SRBD1: variants seen among roughly 807,000 people sequenced by gnomAD.
SRBD1 encodes S1 RNA-binding domain-containing protein 1.
Under a neutral mutation model 115.3 loss-of-function variants are expected in SRBD1, and 88 were observed. The ratio of observed to expected loss-of-function variants is 0.76; its 90% CI spans 0.64 to 0.91. SRBD1 has a LOEUF of 0.91. Ranked by LOEUF, SRBD1 falls within the 40% of genes least tolerant of loss-of-function variation. SRBD1 has a pLI of 0.00. For missense variants in SRBD1, 1,385 were observed against 1,177.4 expected (o/e 1.18, Z -2.58); for synonymous variants, 509 against 407.7 (o/e 1.25, Z -2.99).
chr2:45,411,947 C>A (rs1667615579), intron 19 of SRBD1, among the ~76,000 whole-genome samples: 1 of 152,024 alleles, frequency 6.6e-6, no homozygotes, highest in South Asian at 2.1e-4. Context: ...TCTATCTCTA[C>A]TAAAAATACA....
intron 2 of SRBD1, among the ~76,000 whole-genome samples, chr2:45,602,481 T>G (rs1192393270): frequency 6.6e-6 from 1 of 152,238 alleles, no homozygotes; most frequent in East Asian, 1.9e-4. Flanking sequence ...ACTAATCAAA[T>G]TCATTTAAAT....
intron 14 of SRBD1, among the ~76,000 whole-genome samples, chr2:45,518,478 G>A (rs1671185978): frequency 6.6e-6 from 1 of 152,148 alleles, no homozygotes; most frequent in South Asian, 2.1e-4. Context: ...TGAGTGGAGT[G>A]GAAGAGAGAA....
chr2:45,437,709 T>C (rs1405217091), intron 16 of SRBD1, among the ~76,000 whole-genome samples: 4 of 152,172 alleles, frequency 2.6e-5, no homozygotes, highest in African/African-American at 7.2e-5. Flanking sequence ...ATCTGGGCGA[T>C]AGACTAAGAC....
At chr2:45,445,550 TAAAAAAAAAAA>T (rs59451865) in intron 16 of SRBD1, among the ~76,000 whole-genome samples, 4,721 of 37,110 alleles carry the variant, frequency 0.13, 362 homozygotes, top group African/African-American at 0.33. Context: ...TTCCCAGAGG[TAAAAAAAAAAA>T]AAAAAAAAAA....
intron 2 of SRBD1, among the ~76,000 whole-genome samples, chr2:45,604,391 T>C (rs888246240): frequency 2.3e-5 from 1 of 43,672 alleles, no homozygotes; most frequent in African/African-American, 1.3e-4. Flanking sequence ...GGAAGGGGGG[T>C]GGAGGAAGGG....
At chr2:45,521,950 A>C (rs971011635) in intron 14 of SRBD1, among the ~76,000 whole-genome samples, 6 of 151,976 alleles carry the variant, frequency 3.9e-5, no homozygotes, top group Admixed American at 2.0e-4. Context: ...CCTGGATGAC[A>C]GAGCAACATC....
At chr2:45,421,095 T>C (rs1667985129) in intron 16 of SRBD1, among the ~76,000 whole-genome samples, 1 of 152,208 alleles carries the variant, frequency 6.6e-6, no homozygotes. Context: ...AGTTCAGTCA[T>C]GTCTCTAGGA....
chr2:45,501,470 G>A (rs757469141), intron 14 of SRBD1, among the ~76,000 whole-genome samples: 20 of 152,122 alleles, frequency 1.3e-4, no homozygotes, highest in Non-Finnish European at 2.4e-4. Context: ...CCCACCAAGC[G>A]TGAGGTGAAG....
chr2:45,438,489 T>C (rs904955750), intron 16 of SRBD1, among the ~76,000 whole-genome samples: 7 of 152,032 alleles, frequency 4.6e-5, no homozygotes, highest in African/African-American at 1.7e-4. Flanking sequence ...TAAAGGCAAA[T>C]ATGGTCCCAA....
chr2:45,554,742 C>T (rs953670510), intron 10 of SRBD1, among the ~76,000 whole-genome samples: 2 of 152,128 alleles, frequency 1.3e-5, no homozygotes, highest in African/African-American at 4.8e-5. Flanking sequence ...AAGCTGGCAG[C>T]ACATTCAGCA....
At chr2:45,483,959 T>C (rs1042042385) in intron 15 of SRBD1, among the ~76,000 whole-genome samples, 8 of 152,084 alleles carry the variant, frequency 5.3e-5, no homozygotes, top group Non-Finnish European at 1.0e-4. Context: ...ACCCAACTAG[T>C]ATAAACTTTT....
intron 14 of SRBD1, among the ~76,000 whole-genome samples, chr2:45,543,868 C>T (rs940153733): frequency 7.9e-5 from 12 of 152,144 alleles, no homozygotes; most frequent in Middle Eastern, 3.4e-3. Flanking sequence ...ATTAACCACA[C>T]GGGTAGATTT....
intron 7 of SRBD1, 28 bp downstream of exon 7, chr2:45,579,847 A>C: frequency 6.7e-7 from 1 of 1,499,562 alleles, no homozygotes. Context: ...AAAGAAACAA[A>C]GTTGATCTCT....
intron 16 of SRBD1, among the ~76,000 whole-genome samples, chr2:45,421,505 TC>T (rs1668000165): frequency 2.2e-5 from 1 of 46,294 alleles, no homozygotes; most frequent in Non-Finnish European, 3.3e-5. Flanking sequence ...AGACTCCGTC[TC>T]AAACAAAAAA....
In SRBD1 at chr2:45,418,369, A is replaced by T. The variant is rs1488176758; in HGVS notation, c.2329T>A (p.Cys777Ser). The T allele has an allele frequency of 5.0e-6, 8 of 1,613,408 alleles. No homozygotes were observed. The African/African-American group carries it at 1.1e-4, about 22-fold the overall frequency. The change falls in exon 18 of 21, where the codon TGC becomes AGC. Residue 777 changes from cysteine to serine, a missense_variant. Coordinates refer to ENST00000263736, the MANE Select transcript of SRBD1 (RefSeq NM_018079.5). Reference sequence around the variant, plus strand: ...AAAGTGTATACTTATACTCACCTGCAAAACGTTCGGATATAATCCTGGTTG... The same window carrying T: ...AAAGTGTATACTTATACTCACCTGCTAAACGTTCGGATATAATCCTGGTTG... ...RINQDYIRTF[C>S]SQQTETSGQI...
intron 14 of SRBD1, among the ~76,000 whole-genome samples, chr2:45,508,021 C>G (rs979143486): frequency 2.0e-5 from 3 of 152,154 alleles, no homozygotes; most frequent in Non-Finnish European, 2.9e-5. Flanking sequence ...TTACTGTCCC[C>G]TGACACAAGT....
chr2:45,476,952 A>G (rs748195877), intron 16 of SRBD1, 41 bp downstream of exon 16: 20 of 1,570,542 alleles, frequency 1.3e-5, no homozygotes, highest in Non-Finnish European at 1.7e-5. Context: ...TGCTCCTTGT[A>G]TTGATGGATT....
At chr2:45,571,892 GAC>G (rs1162900606) in intron 9 of SRBD1, among the ~76,000 whole-genome samples, 1 of 152,056 alleles carries the variant, frequency 6.6e-6, no homozygotes, top group Non-Finnish European at 1.5e-5. Flanking sequence ...AGACCTGTGA[GAC>G]ACTATCAATC....
chr2:45,517,754 G>C (rs1459118255), intron 14 of SRBD1, among the ~76,000 whole-genome samples: 2 of 152,148 alleles, frequency 1.3e-5, no homozygotes, highest in Admixed American at 6.5e-5. Context: ...CAGCACTTTA[G>C]AAGGCCAAGA....
Sources: gnomAD v4.1 joint callset for allele counts (sites outside exome capture counted in the v4.1 genomes callset) on GRCh38, gnomAD v4.1.1 for gene constraint, MANE v1.5 for transcripts, NCBI Gene and HGNC (gene_info 2026-07-23, HGNC 2026-07-21) for gene names.